Variants in PAPPA2 observed in about 807,000 individuals in gnomAD.
PAPPA2 encodes pappalysin 2, also known as pappalysin-2.
A neutral mutation model predicts 176.4 loss-of-function variants in PAPPA2; 86 were observed. The ratio of observed to expected loss-of-function variants is 0.49; its 90% CI spans 0.41 to 0.58. The LOEUF (loss-of-function observed/expected upper bound fraction) is 0.58, where lower values mean the gene tolerates loss of function less well. Ranked by LOEUF, PAPPA2 falls within the 20% of genes least tolerant of loss-of-function variation. The pLI, the probability that PAPPA2 is intolerant of heterozygous loss-of-function variation, is 0.00. For synonymous variants in PAPPA2, 809 were observed against 852.2 expected, an observed-to-expected ratio of 0.95 and a Z score of 0.88; for missense variants, 2,073 against 2,256.9, an observed-to-expected ratio of 0.92 and a Z score of 1.65.
chr1:176,565,664 C>G (rs1445874765), intron 2 of PAPPA2, among the ~76,000 whole-genome samples: 2 of 152,276 alleles, frequency 1.3e-5, no homozygotes, highest in East Asian at 3.9e-4. Context: ...CCGCTGCACT[C>G]CAGCCTGGGG....
chr1:176,695,988 G>T (rs773821079), intron 7 of PAPPA2, 129 bp downstream of exon 7: 8 of 759,750 alleles, frequency 1.1e-5, no homozygotes, highest in Non-Finnish European at 1.5e-5. Flanking sequence ...GTGTGTGTGT[G>T]TGTGTGTGTG....
chr1:176,646,170 G>A (rs1226562017), intron 3 of PAPPA2, among the ~76,000 whole-genome samples: 2 of 151,392 alleles, frequency 1.3e-5, no homozygotes, highest in Non-Finnish European at 3.0e-5. Context: ...CCTAAACTGG[G>A]CAAATGTCCT....
chr1:176,623,711 C>CTTCTTTCTTTCTTTCT lies in PAPPA2; in HGVS notation c.1991+28117_1991+28132dup, dbSNP rs137895257. ...TCTCTCTCTTTCCTTTCTTTCTTTT[C>CTTCTTTCTTTCTTTCT]TTCTTTCTTTCTTTCTCTTTCTTTC... On this transcript the variant is annotated intron_variant, in intron 3 of 22. Transcript: ENST00000367662. Among the ~76,000 whole-genome samples, 279 of 123,644 alleles carry CTTCTTTCTTTCTTTCT rather than the reference C, an allele frequency of 2.3e-3. 1 individual carries two copies. Among genetic ancestry groups the CTTCTTTCTTTCTTTCT allele is most frequent in the Middle Eastern group, 0.013 (3 of 236 alleles). 81.1% of individuals were successfully genotyped at this position (123,644 alleles called of 152,430 possible).
At position 176,845,346 on chromosome 1, in the gene PAPPA2, TTAAAG is replaced by T. The variant is rs1226271675; in HGVS notation, c.*2898_*2902del. The T allele has an allele frequency of 6.6e-6, 1 of 152,092 alleles. No individual in the cohort carries two copies. The highest frequency in any genetic ancestry group is 1.5e-5 in the Non-Finnish European group (1 of 68,014). The allele number at this position is 152,092 out of a possible 1,614,324, so 9.4% of individuals were successfully genotyped here. A position where few individuals can be genotyped will look rare whatever the true frequency, so the allele number is the denominator to read the frequency against. The stretch of plus-strand genomic sequence containing the variant: ...GAGAATGGGCAGATACTGACAGAAA[TTAAAG>T]TAAAGGGATTGTGAAAGTAAAGAGC... On this transcript the variant is annotated 3_prime_UTR_variant, in exon 23 of 23. Coordinates refer to ENST00000367662, the MANE Select transcript of PAPPA2 (RefSeq NM_020318.3).
At chr1:176,475,323 C>A (rs541467234) in intron 1 of PAPPA2, among the ~76,000 whole-genome samples, 1 of 152,238 alleles carries the variant, frequency 6.6e-6, no homozygotes, top group African/African-American at 2.4e-5. Flanking sequence ...ACTTGGCTTA[C>A]AAATAAACAA....
chr1:176,483,987 A>G (rs1246811063), intron 1 of PAPPA2, among the ~76,000 whole-genome samples: 2 of 152,156 alleles, frequency 1.3e-5, no homozygotes, highest in African/African-American at 4.8e-5. Context: ...TTAATATTTC[A>G]TATTTAACCT....
intron 3 of PAPPA2, among the ~76,000 whole-genome samples, chr1:176,610,185 G>A (rs1456728222): frequency 6.6e-6 from 1 of 151,782 alleles, no homozygotes; most frequent in Non-Finnish European, 1.5e-5. Context: ...AAGATTTATT[G>A]TTCAGGAATG....
intron 14 of PAPPA2, among the ~76,000 whole-genome samples, chr1:176,747,402 A>T (rs570427777): frequency 6.6e-6 from 1 of 152,222 alleles, no homozygotes; most frequent in African/African-American, 2.4e-5. Context: ...GAAATATGCA[A>T]TTCAGATTAG....
At chr1:176,589,276 A>C (rs181713805) in intron 2 of PAPPA2, among the ~76,000 whole-genome samples, 1 of 152,186 alleles carries the variant, frequency 6.6e-6, no homozygotes, top group Non-Finnish European at 1.5e-5. Flanking sequence ...ATCAATTCCA[A>C]GTGCTGGTAA....
intron 1 of PAPPA2, among the ~76,000 whole-genome samples, chr1:176,483,761 A>T (rs4652180): frequency 0.62 from 94,098 of 151,812 alleles, 31,132 homozygotes; most frequent in East Asian, 0.95. Context: ...GAGCCACCAC[A>T]CCCAGCCTCA....
chr1:176,701,417 T>G (rs1223556434), intron 8 of PAPPA2, among the ~76,000 whole-genome samples: 1 of 152,194 alleles, frequency 6.6e-6, no homozygotes. Flanking sequence ...CTGTCAGCAT[T>G]GATTAGGATA....
chr1:176,840,282 G>T lies in PAPPA2; in HGVS notation c.5301+11G>T. 6.3e-7 allele frequency: 1 copy of T among 1,598,612 alleles called. No individual in the cohort carries two copies. The highest frequency in any genetic ancestry group is 8.6e-7 in the Non-Finnish European group (1 of 1,167,128). ...CTCTCCTCCAAGAAGGTGAGTGAGA[G>T]AACCTGGGGATGGGGGAGGCAGTGG... is the stretch of plus-strand genomic sequence containing the variant. On this transcript the variant is annotated intron_variant, in intron 22 of 22. Coordinates refer to ENST00000367662, the MANE Select transcript of PAPPA2 (RefSeq NM_020318.3).
intron 17 of PAPPA2, among the ~76,000 whole-genome samples, chr1:176,786,392 A>C (rs958571685): frequency 6.6e-6 from 1 of 152,102 alleles, no homozygotes; most frequent in African/African-American, 2.4e-5. Context: ...TTAGCTGGGA[A>C]GGAATGCAAG....
intron 3 of PAPPA2, among the ~76,000 whole-genome samples, chr1:176,631,124 G>A (rs1457657070): frequency 1.3e-5 from 2 of 152,100 alleles, no homozygotes; most frequent in Non-Finnish European, 2.9e-5. Flanking sequence ...GTAGTCCCAG[G>A]AATTTAGAAT....
At chr1:176,680,812 G>A (rs1659550965) in intron 4 of PAPPA2, among the ~76,000 whole-genome samples, 1 of 152,214 alleles carries the variant, frequency 6.6e-6, no homozygotes, top group African/African-American at 2.4e-5. Flanking sequence ...TCTTGTGTCT[G>A]TGGATGAATA....
intron 1 of PAPPA2, among the ~76,000 whole-genome samples, chr1:176,471,197 A>G (rs1235804280): frequency 6.6e-6 from 1 of 152,124 alleles, no homozygotes; most frequent in African/African-American, 2.4e-5. Flanking sequence ...TCTGAGCTTG[A>G]CTGTCTTGGG....
At chr1:176,803,851 A>G (rs1357167377) in intron 21 of PAPPA2, among the ~76,000 whole-genome samples, 1 of 152,102 alleles carries the variant, frequency 6.6e-6, no homozygotes, top group Non-Finnish European at 1.5e-5. Flanking sequence ...TGTCTCTTCA[A>G]ATCTCTTTGT....
intron 12 of PAPPA2, among the ~76,000 whole-genome samples, chr1:176,713,615 TG>T (rs1661238087): frequency 6.6e-6 from 1 of 152,236 alleles, no homozygotes; most frequent in Non-Finnish European, 1.5e-5. Flanking sequence ...ATGACCTTTT[TG>T]TTTAAAGCAT....
intron 14 of PAPPA2, among the ~76,000 whole-genome samples, chr1:176,741,052 G>T (rs917897203): frequency 2.0e-5 from 3 of 151,974 alleles, no homozygotes; most frequent in Admixed American, 2.0e-4. Context: ...CACAGGGATG[G>T]GAGTAGAGAG....
Sources: allele counts gnomAD v4.1 joint callset (sites outside exome capture counted in the v4.1 genomes callset), GRCh38; gene constraint gnomAD v4.1.1; transcripts MANE v1.5; gene names NCBI Gene and HGNC (gene_info 2026-07-23, HGNC 2026-07-21).